TMEM163: variants seen among roughly 807,000 people sequenced by gnomAD.
TMEM163 encodes the protein transmembrane protein 163.
TMEM163 carries 17 observed loss-of-function variants against 29.3 expected under a neutral mutation model. The ratio of observed to expected loss-of-function variants is 0.58; its 90% CI spans 0.40 to 0.87. The LOEUF is 0.87. Ranked by LOEUF, TMEM163 falls within the 40% of genes least tolerant of loss-of-function variation. TMEM163 has a pLI of 0.00. For synonymous variants in TMEM163, 157 were observed against 160.6 expected (o/e 0.98, Z 0.17); for missense variants, 303 against 381.5 (o/e 0.79, Z 1.71).
At chr2:134,594,669 T>G (rs1184978947) in intron 2 of TMEM163, among the ~76,000 whole-genome samples, 1 of 152,226 alleles carries the variant, frequency 6.6e-6, no homozygotes, top group East Asian at 1.9e-4. Context: ...CTGAGTTTGT[T>G]CATTTAGGTC....
chr2:134,683,885 T>C (rs546629759), intron 2 of TMEM163, among the ~76,000 whole-genome samples: 2 of 152,294 alleles, frequency 1.3e-5, no homozygotes, highest in East Asian at 1.9e-4. Context: ...ACAAACACTT[T>C]TAGCACTGGT....
intron 5 of TMEM163, among the ~76,000 whole-genome samples, chr2:134,471,389 C>T (rs1225954961): frequency 6.6e-6 from 1 of 152,150 alleles, no homozygotes; most frequent in East Asian, 1.9e-4. Context: ...CACCGACGTG[C>T]ACCAAGGAAA....
intron 4 of TMEM163, among the ~76,000 whole-genome samples, chr2:134,520,085 A>G (rs1651945245): frequency 1.3e-5 from 2 of 152,154 alleles, no homozygotes; most frequent in Admixed American, 1.3e-4. Flanking sequence ...TCTCATTTAC[A>G]TAACTCTACA....
intron 4 of TMEM163, among the ~76,000 whole-genome samples, chr2:134,529,555 C>T (rs1157530100): frequency 6.6e-6 from 1 of 151,708 alleles, no homozygotes; most frequent in East Asian, 1.9e-4. Context: ...TCAAGGCCAG[C>T]CTGGCCAACA....
At chr2:134,709,858 G>T (rs569329099) in intron 2 of TMEM163, among the ~76,000 whole-genome samples, 47 of 152,328 alleles carry the variant, frequency 3.1e-4, no homozygotes, top group Admixed American at 1.2e-3. Flanking sequence ...TCTCTCTGAA[G>T]TCTGCTACCT....
intron 2 of TMEM163, among the ~76,000 whole-genome samples, chr2:134,571,255 G>A (rs1255454135): frequency 1.3e-5 from 2 of 152,158 alleles, no homozygotes; most frequent in African/African-American, 4.8e-5. Flanking sequence ...GGCTGAAATG[G>A]CATTGCCCAT....
intron 5 of TMEM163, chr2:134,467,006 A>G (rs1686685469): frequency 6.6e-6 from 1 of 152,228 alleles, no homozygotes; most frequent in Admixed American, 6.5e-5. Flanking sequence ...ATGCAGCATC[A>G]TAAATAGGCA....
chr2:134,701,605 A>T (rs1684705518), intron 2 of TMEM163, among the ~76,000 whole-genome samples: 1 of 152,146 alleles, frequency 6.6e-6, no homozygotes. Flanking sequence ...GGGAAACCAA[A>T]CTCAAAGTGG....
At chr2:134,607,797 AAGG>A (rs1361512926) in intron 2 of TMEM163, among the ~76,000 whole-genome samples, 16 of 45,508 alleles carry the variant, frequency 3.5e-4, no homozygotes, top group African/African-American at 1.5e-3. Flanking sequence ...TACTGGTGAA[AAGG>A]AGGACAGACC....
At chr2:134,676,670 C>T (rs569470994) in intron 2 of TMEM163, among the ~76,000 whole-genome samples, 22 of 152,264 alleles carry the variant, frequency 1.4e-4, no homozygotes, top group Middle Eastern at 3.4e-3. Flanking sequence ...TGACCTCTCA[C>T]GGTCCCTCAA....
At chr2:134,710,321 C>T (rs1236319215) in intron 2 of TMEM163, among the ~76,000 whole-genome samples, 3 of 152,056 alleles carry the variant, frequency 2.0e-5, no homozygotes, top group African/African-American at 7.2e-5. Flanking sequence ...AAGAGGTGTG[C>T]CCCCCAACTT....
At chr2:134,650,004 T>A (rs1314330771) in intron 2 of TMEM163, among the ~76,000 whole-genome samples, 5 of 97,550 alleles carry the variant, frequency 5.1e-5, no homozygotes, top group Admixed American at 1.3e-4. Context: ...GACCCTGTCT[T>A]AAAAAAAAAA....
Position 134,606,978 on chromosome 2 carries a change from G to T in TMEM163, c.323-54887C>A, listed in dbSNP as rs1250328559. Among the ~76,000 whole-genome samples the T allele has an allele frequency of 5.6e-5, 8 of 142,316 alleles. No individual in the cohort carries two copies. The South Asian group carries it at 1.2e-3, about 22-fold the overall frequency. 93.4% of individuals were successfully genotyped at this position (142,316 alleles called of 152,430 possible). ...CCGAGAACTGTACTGGTGAAAAGGA[G>T]GACAGACCCCGAGAACTGTGCTGGT... On this transcript the variant is annotated intron_variant, in intron 2 of 7. Transcript: ENST00000281924.
At chr2:134,701,557 A>G (rs1013839618) in intron 2 of TMEM163, among the ~76,000 whole-genome samples, 1 of 152,210 alleles carries the variant, frequency 6.6e-6, no homozygotes, top group East Asian at 1.9e-4. Flanking sequence ...AGGTGCAACA[A>G]TCTCTTCTTT....
intron 4 of TMEM163, among the ~76,000 whole-genome samples, chr2:134,520,493 ATGAT>A (rs1680169606): frequency 6.6e-6 from 1 of 152,186 alleles, no homozygotes; most frequent in Non-Finnish European, 1.5e-5. Flanking sequence ...CATTGTCTGT[ATGAT>A]TGTAGTACTA....
At chr2:134,558,173 C>T (rs1251717216) in intron 2 of TMEM163, among the ~76,000 whole-genome samples, 1 of 152,164 alleles carries the variant, frequency 6.6e-6, no homozygotes. Context: ...GTTTCTGAAT[C>T]CATCTTTCTA....
At chr2:134,629,116 C>A (rs1221652361) in intron 2 of TMEM163, among the ~76,000 whole-genome samples, 1 of 152,136 alleles carries the variant, frequency 6.6e-6, no homozygotes, top group East Asian at 1.9e-4. Context: ...CTCATTTGAT[C>A]CTCACAAAAC....
intron 2 of TMEM163, among the ~76,000 whole-genome samples, chr2:134,611,042 A>G (rs891674382): frequency 1.3e-5 from 2 of 152,226 alleles, no homozygotes; most frequent in African/African-American, 4.8e-5. Context: ...AAATAACTGA[A>G]AGCAGATGTT....
At position 134,455,931 on chromosome 2, in the gene TMEM163, C is replaced by G. The variant is rs980370224; in HGVS notation, c.*785G>C. ...TACAGAGGGAGCGATCCATCTCTCA[C>G]AGACTGTAATGTACCCATTACCACT... is the stretch of plus-strand genomic sequence containing the variant. On this transcript the variant is annotated 3_prime_UTR_variant, in exon 8 of 8. Coordinates refer to ENST00000281924, the MANE Select transcript of TMEM163 (RefSeq NM_030923.5). 1 of 137,712 alleles carries G rather than the reference C, an allele frequency of 7.3e-6. No homozygotes were observed. Among genetic ancestry groups the G allele is most frequent in the African/African-American group, 2.7e-5 (1 of 37,090 alleles). 8.5% of individuals were successfully genotyped at this position (137,712 alleles called of 1,614,324 possible). A position where few individuals can be genotyped will look rare whatever the true frequency, so the allele number is the denominator to read the frequency against.
Sources: allele counts gnomAD v4.1 joint callset (sites outside exome capture counted in the v4.1 genomes callset), GRCh38; gene constraint gnomAD v4.1.1; transcripts MANE v1.5; gene names NCBI Gene and HGNC (gene_info 2026-07-23, HGNC 2026-07-21).